The following CERS6 variants were observed in gnomAD, a reference collection of about 807,000 sequenced individuals.
CERS6 encodes the protein LAG1 homolog, ceramide synthase 6.
Under a neutral mutation model 56.8 loss-of-function variants are expected in CERS6, and 26 were observed. The observed-to-expected ratio is 0.46, with a 90% confidence interval of 0.34 to 0.63. CERS6 has a LOEUF of 0.63. Among genes scored for constraint, CERS6 ranks in the 30% least tolerant of loss-of-function variants. CERS6 has a pLI of 0.01. For synonymous variants in CERS6, 164 were observed against 173.3 expected (o/e 0.95, Z 0.42); for missense variants, 415 against 467.5 (o/e 0.89, Z 1.04).
chr2:168,598,454 C>T (rs1467249990), intron 3 of CERS6, among the ~76,000 whole-genome samples: 1 of 150,904 alleles, frequency 6.6e-6, no homozygotes, highest in African/African-American at 2.4e-5. Flanking sequence ...TTATGCATTC[C>T]TATATATTTT....
intron 3 of CERS6, among the ~76,000 whole-genome samples, chr2:168,610,041 G>T (rs991951741): frequency 9.7e-5 from 14 of 145,046 alleles, no homozygotes. Flanking sequence ...GCAGTGGCGC[G>T]ACCTCGGCTC....
In CERS6 at chr2:168,709,740, T is replaced by C. The variant is rs566863997; in HGVS notation, c.610-5261T>C. 2.6e-5 allele frequency among the ~76,000 whole-genome samples: 4 copies of C among 152,346 alleles called. No individual in the cohort carries two copies. The East Asian group carries it at 7.7e-4, about 29-fold the overall frequency. Reference sequence around the variant, plus strand: ...ATGTTCTTTCAGCCATGACTGTGTCTATGTGTGCACTAATCACTTTCAGCA... The same window carrying C: ...ATGTTCTTTCAGCCATGACTGTGTCCATGTGTGCACTAATCACTTTCAGCA... On this transcript the variant is annotated intron_variant, in intron 6 of 9. Coordinates refer to ENST00000305747, the MANE Select transcript of CERS6 (RefSeq NM_203463.3).
At chr2:168,555,862 T>C (rs1420341424) in intron 2 of CERS6, among the ~76,000 whole-genome samples, 8 of 152,024 alleles carry the variant, frequency 5.3e-5, no homozygotes, top group Non-Finnish European at 1.0e-4. Context: ...AAAGTGTTTA[T>C]TGAACATGTA....
chr2:168,720,605 G>C (rs746780721), intron 8 of CERS6, among the ~76,000 whole-genome samples: 2 of 152,160 alleles, frequency 1.3e-5, no homozygotes, highest in Non-Finnish European at 2.9e-5. Flanking sequence ...CCTTTGTGCT[G>C]AAGTTTCCTC....
intron 3 of CERS6, among the ~76,000 whole-genome samples, chr2:168,617,136 G>A (rs1315585518): frequency 6.6e-6 from 1 of 152,138 alleles, no homozygotes; most frequent in East Asian, 1.9e-4. Context: ...AATGATCATT[G>A]GGTCAGAAAT....
intron 1 of CERS6, among the ~76,000 whole-genome samples, chr2:168,502,326 G>A (rs1032300714): frequency 2.0e-5 from 3 of 152,096 alleles, no homozygotes; most frequent in Non-Finnish European, 4.4e-5. Flanking sequence ...ACTGTCTTTT[G>A]TGAGACAGTC....
chr2:168,720,819 A>G (rs1195344866), intron 8 of CERS6, among the ~76,000 whole-genome samples: 1 of 152,248 alleles, frequency 6.6e-6, no homozygotes, highest in Admixed American at 6.5e-5. Flanking sequence ...CAGTAACTCA[A>G]TAGAAGTATT....
intron 4 of CERS6, among the ~76,000 whole-genome samples, chr2:168,653,330 G>A (rs1003519243): frequency 1.3e-5 from 2 of 152,142 alleles, no homozygotes; most frequent in African/African-American, 2.4e-5. Context: ...TTTCTTGATA[G>A]GAGTCATTTT....
chr2:168,615,897 C>A lies in CERS6; in HGVS notation c.408-15088C>A, dbSNP rs148507037. On this transcript the variant is annotated intron_variant, in intron 3 of 9. Transcript: ENST00000305747. ...TCTGGGAAATTCATCACAAAAAGATCATCGCCTAGGCACACTGTCATCAGG... is the reference window on the plus strand; with the variant it reads ...TCTGGGAAATTCATCACAAAAAGATAATCGCCTAGGCACACTGTCATCAGG... Among the ~76,000 whole-genome samples, 854 of 152,284 alleles carry A rather than the reference C, an allele frequency of 5.6e-3. 10 individuals carry two copies. Among genetic ancestry groups the A allele is most frequent in the African/African-American group, 0.018 (768 of 41,556 alleles).
chr2:168,670,480 A>C (rs907531523), intron 4 of CERS6, among the ~76,000 whole-genome samples: 3 of 152,212 alleles, frequency 2.0e-5, no homozygotes, highest in Non-Finnish European at 4.4e-5. Context: ...ACAAACTTAG[A>C]AATGGAGAAA....
rs865980369 is a variant in CERS6 at position 168,645,181 on chromosome 2, A to T, written c.465+14139A>T. 1.2e-3 allele frequency among the ~76,000 whole-genome samples: 147 copies of T among 120,636 alleles called. 1 individual carries two copies. Among genetic ancestry groups the T allele is most frequent in the Middle Eastern group, 4.0e-3 (1 of 250 alleles). 79.1% of individuals were successfully genotyped at this position (120,636 alleles called of 152,430 possible). A position where few individuals can be genotyped will look rare whatever the true frequency, so the allele number is the denominator to read the frequency against. ...GAGAGAGAGAGAGAGAGAGAGAGAG[A>T]GAGAGAGAGTAACTTCTAAAAGGGG... On this transcript the variant is annotated intron_variant, in intron 4 of 9. Transcript: ENST00000305747.
chr2:168,740,713 T>A (rs1683873764), intron 8 of CERS6, among the ~76,000 whole-genome samples: 1 of 152,236 alleles, frequency 6.6e-6, no homozygotes, highest in East Asian at 1.9e-4. Flanking sequence ...AGTAGTCTAG[T>A]TTCTTTAAAT....
Position 168,601,598 on chromosome 2 carries a change from G to A in CERS6, c.408-29387G>A, listed in dbSNP as rs929187114. Among the ~76,000 whole-genome samples, 4 of 151,328 alleles carry A rather than the reference G, an allele frequency of 2.6e-5. No individual in the cohort carries two copies. The East Asian group carries it at 7.8e-4, about 29-fold the overall frequency. On this transcript the variant is annotated intron_variant, in intron 3 of 9. Transcript: ENST00000305747. ...ACAGTCTCGCTCTGTCGCCCAGGCT[G>A]GAGTGTAGTGGTATGATCTTGGCTC... is the stretch of plus-strand genomic sequence containing the variant.
intron 3 of CERS6, among the ~76,000 whole-genome samples, chr2:168,578,804 C>T (rs1683339573): frequency 1.3e-5 from 2 of 152,062 alleles, no homozygotes; most frequent in African/African-American, 4.8e-5. Context: ...ATTGTAAAAT[C>T]CTATGGGTGT....
chr2:168,481,353 G>T (rs1363080509), intron 1 of CERS6, among the ~76,000 whole-genome samples: 1 of 152,194 alleles, frequency 6.6e-6, no homozygotes, highest in African/African-American at 2.4e-5. Context: ...GGCGGAGCTT[G>T]CAGTGAGCTG....
chr2:168,720,735 T>C (rs1395537111), intron 8 of CERS6, among the ~76,000 whole-genome samples: 1 of 152,190 alleles, frequency 6.6e-6, no homozygotes, highest in Admixed American at 6.5e-5. Context: ...TATGTAAGTA[T>C]TGGCTTGTTA....
intron 1 of CERS6, among the ~76,000 whole-genome samples, chr2:168,490,456 A>G (rs1320179621): frequency 6.6e-6 from 1 of 152,084 alleles, no homozygotes; most frequent in Non-Finnish European, 1.5e-5. Flanking sequence ...AACAAAACCA[A>G]ACAAAACAAA....
intron 3 of CERS6, among the ~76,000 whole-genome samples, chr2:168,603,277 A>T (rs921706408): frequency 6.6e-6 from 1 of 152,224 alleles, no homozygotes; most frequent in African/African-American, 2.4e-5. Context: ...TTCCCTTTCC[A>T]GCAGCCCCAT....
rs139587190 is a variant in CERS6, at chr2:168,581,297, G to A, written c.407+19975G>A. Reference sequence around the variant, plus strand: ...GCCTCCCAAAGTGCTGGGATTACAGGCGTGAGCCACCATGCCTGGCCCAAT... The same window carrying A: ...GCCTCCCAAAGTGCTGGGATTACAGACGTGAGCCACCATGCCTGGCCCAAT... On this transcript the variant is annotated intron_variant, in intron 3 of 9. Transcript: ENST00000305747. 4.4e-3 allele frequency among the ~76,000 whole-genome samples: 670 copies of A among 152,326 alleles called. 8 individuals are homozygous for A. Among genetic ancestry groups the A allele is most frequent in the African/African-American group, 0.015 (622 of 41,576 alleles).
Sources: allele counts gnomAD v4.1 joint callset (sites outside exome capture counted in the v4.1 genomes callset), GRCh38; gene constraint gnomAD v4.1.1; transcripts MANE v1.5; gene names NCBI Gene and HGNC (gene_info 2026-07-23, HGNC 2026-07-21).